Variants in GPRC5C observed in about 807,000 individuals in gnomAD.
GPRC5C encodes the protein G protein-coupled receptor family C group 5 member C.
A neutral mutation model predicts 31.4 loss-of-function variants in GPRC5C; 22 were observed. That is an observed-to-expected ratio of 0.70 (90% CI 0.50 to 1.00). GPRC5C has a LOEUF of 1.00. Ranked by LOEUF, GPRC5C falls within the 50% of genes least tolerant of loss-of-function variation. The pLI, the probability that GPRC5C is intolerant of heterozygous loss-of-function variation, is 0.00. For synonymous variants in GPRC5C, 249 were observed against 257.5 expected (o/e 0.97, Z 0.32); for missense variants, 557 against 597.2 (o/e 0.93, Z 0.70).
chr17:74,432,323 G>A, intron 1 of GPRC5C, 182 bp downstream of exon 1: 1 of 1,436,372 alleles, frequency 7.0e-7, no homozygotes, highest in Non-Finnish European at 9.1e-7. Flanking sequence ...GCGCGAGAGC[G>A]AGCAACCCAG....
Position 74,447,259 on chromosome 17 carries a change from C to G in GPRC5C, c.*231C>G. 7.8e-7 allele frequency: 1 copy of G among 1,288,670 alleles called. No homozygotes were observed. Among genetic ancestry groups the G allele is most frequent in the Non-Finnish European group, 9.8e-7 (1 of 1,015,814 alleles). The allele number at this position is 1,288,670 out of a possible 1,614,324, so 79.8% of individuals were successfully genotyped here. A position where few individuals can be genotyped will look rare whatever the true frequency, so the allele number is the denominator to read the frequency against. ...CAACCCCAGCCTCCTGCCAGGATCA[C>G]CTCGGCGGTCACACTCCAGCCAAAT... On this transcript the variant is annotated 3_prime_UTR_variant, in exon 4 of 4. Coordinates refer to ENST00000392627, the MANE Select transcript of GPRC5C (RefSeq NM_022036.4).
chr17:74,442,833 C>CG (rs1173040233), intron 2 of GPRC5C, among the ~76,000 whole-genome samples: 1 of 152,150 alleles, frequency 6.6e-6, no homozygotes, highest in African/African-American at 2.4e-5. Context: ...GTGTGCATGG[C>CG]GGGGGTGGAA....
intron 1 of GPRC5C, chr17:74,433,720 C>T: frequency 1.2e-5 from 20 of 1,613,684 alleles, no homozygotes; most frequent in Non-Finnish European, 1.7e-5. Flanking sequence ...GAAGAGTGCC[C>T]TGGTCACAGC....
chr17:74,439,674 G>C, intron 1 of GPRC5C, 71 bp from the exon 2 acceptor site: 1 of 1,425,228 alleles, frequency 7.0e-7, no homozygotes, highest in Non-Finnish European at 9.5e-7. Flanking sequence ...TTAGGTTGGG[G>C]GAAGCAGCAC....
rs372728157 is a variant in GPRC5C, at chr17:74,439,919, C to T, written c.143C>T (p.Ala48Val). 52 of 1,612,156 alleles carry T rather than the reference C, an allele frequency of 3.2e-5. No individual in the cohort carries two copies. Among genetic ancestry groups the T allele is most frequent in the Non-Finnish European group, 4.0e-5 (47 of 1,180,002 alleles). Reference protein sequence around the residue: ...LYYNLCDRSGAWGIVLEAVAG... With the variant: ...LYYNLCDRSGVWGIVLEAVAG... ...TACAACCTGTGTGACCGCTCTGGGGCGTGGGGCATCGTCCTGGAGGCCGTG... is the reference window on the plus strand; with the variant it reads ...TACAACCTGTGTGACCGCTCTGGGGTGTGGGGCATCGTCCTGGAGGCCGTG... Residue 48 changes from alanine to valine, a missense_variant, in exon 2 of 4, where the codon GCG (alanine) becomes GTG (valine). Coordinates refer to ENST00000392627, the MANE Select transcript of GPRC5C (RefSeq NM_022036.4).
chr17:74,443,843 C>T lies in GPRC5C; in HGVS notation c.1077C>T (p.Ser359=), dbSNP rs370461009. ...VAAKRPVSPY[S]GYNGQLLTSV... is the part of the protein sequence containing the mutation. ...CTAAGAGGCCGGTGTCACCATACAG[C>T]GGGTACAATGGGCAGCTGCTGACCA... The change falls in exon 3 of 4, where the codon AGC becomes AGT. Residue 359 remains serine (S), a synonymous_variant. Coordinates refer to ENST00000392627, the MANE Select transcript of GPRC5C (RefSeq NM_022036.4). 1.7e-5 allele frequency: 28 copies of T among 1,612,764 alleles called. No homozygotes were observed. The highest frequency in any genetic ancestry group is 8.9e-5 in the East Asian group (4 of 44,892).
intron 2 of GPRC5C, among the ~76,000 whole-genome samples, chr17:74,442,018 T>C (rs1461390326): frequency 1.3e-5 from 2 of 152,236 alleles, no homozygotes; most frequent in African/African-American, 4.8e-5. Context: ...TTTTTTATTT[T>C]TTGAGACGGA....
downstream of GPRC5C, chr17:74,448,828 C>A: frequency 7.8e-7 from 1 of 1,277,174 alleles, no homozygotes; most frequent in South Asian, 1.2e-5. Flanking sequence ...TACAGGTAAG[C>A]GAACTGACCC....
At chr17:74,444,021 A>T (rs752825767) in intron 3 of GPRC5C, 109 bp downstream of exon 3, 1 of 739,756 alleles carries the variant, frequency 1.4e-6, no homozygotes, top group Non-Finnish European at 2.3e-6. Flanking sequence ...TGGAGGTGGT[A>T]AGGGGAAGGC....
At chr17:74,433,387 T>C (rs1448049672) in intron 1 of GPRC5C, among the ~76,000 whole-genome samples, 3 of 147,504 alleles carry the variant, frequency 2.0e-5, no homozygotes, top group Admixed American at 6.7e-5. Flanking sequence ...CTGGTCTTGG[T>C]GCGGGGCAGG....
At chr17:74,449,377 T>C (rs558325965), downstream of GPRC5C, 15 of 1,292,914 alleles carry the variant, frequency 1.2e-5, no homozygotes, top group African/African-American at 1.8e-4. Flanking sequence ...GAAGCCCTCT[T>C]CCCGGGACTG....
chr17:74,445,015 T>A (rs965690922), intron 3 of GPRC5C, among the ~76,000 whole-genome samples: 2 of 152,224 alleles, frequency 1.3e-5, no homozygotes, highest in Admixed American at 6.5e-5. Flanking sequence ...TTTGAGAGGC[T>A]GAGGCAGGTG....
chr17:74,441,542 C>T (rs988301274), intron 2 of GPRC5C, among the ~76,000 whole-genome samples: 3 of 152,038 alleles, frequency 2.0e-5, no homozygotes, highest in Non-Finnish European at 4.4e-5. Flanking sequence ...TAATTAGTGC[C>T]GGCTGGGCGC....
At position 74,440,834 on chromosome 17, in the gene GPRC5C, C is replaced by A. The variant is rs746093669; in HGVS notation, c.1051+7C>A. The A allele has an allele frequency of 6.4e-5, 94 of 1,479,272 alleles. No homozygotes were observed. Among genetic ancestry groups the A allele is most frequent in the Non-Finnish European group, 7.8e-5 (87 of 1,109,746 alleles). 91.6% of individuals were successfully genotyped at this position (1,479,272 alleles called of 1,614,324 possible). On this transcript the variant is annotated splice_region_variant and intron_variant, in intron 2 of 3. Coordinates refer to ENST00000392627, the MANE Select transcript of GPRC5C (RefSeq NM_022036.4). The surrounding 1 kb of genome is among the most constrained non-coding windows in gnomAD (Gnocchi z 4.4). ...ATGGATGAGCCGGTTGCAGGTGGGT[C>A]TCTGTGGATGCCCCCAGTGGCCCCT...
chr17:74,444,557 G>C (rs2055596537), intron 3 of GPRC5C, among the ~76,000 whole-genome samples: 1 of 152,168 alleles, frequency 6.6e-6, no homozygotes, highest in Admixed American at 6.5e-5. Context: ...GTCTTGGCAG[G>C]ACACTGGGAA....
rs200892099 is a variant in GPRC5C at position 74,438,048 on chromosome 17, T to G, written c.-32-1697T>G. ...TTTCTTTTCTTTTCTTTTCTTTCTT[T>G]TTTTTGGAAACAGTCTCGCTCTGTT... On this transcript the variant is annotated intron_variant, in intron 1 of 3. Coordinates refer to ENST00000392627, the MANE Select transcript of GPRC5C (RefSeq NM_022036.4). Among the ~76,000 whole-genome samples the G allele has an allele frequency of 3.3e-5, 5 of 151,476 alleles. No homozygotes were observed. The East Asian group carries it at 9.6e-4, about 29-fold the overall frequency.
At position 74,440,262 on chromosome 17, in the gene GPRC5C, G is replaced by A. The variant is rs764382286; in HGVS notation, c.486G>A (p.Leu162=). 7 of 1,614,230 alleles carry A rather than the reference G, an allele frequency of 4.3e-6. No homozygotes were observed. In the South Asian group the frequency reaches 7.7e-5, roughly 18 times the overall value. The change falls in exon 2 of 4, where the codon CTG becomes CTA. Residue 162 remains leucine, a synonymous_variant. Transcript: ENST00000392627. This position sits in a 1 kb window ranked among gnomAD's most constrained non-coding sequence, Gnocchi z 4.4. ...GGGTGATCTTCACTGTGGCTCTGCT[G>A]CTGACCCTGGTAGAGGTCATCATCA... ...RGWVIFTVAL[L]LTLVEVIINT... is the part of the protein sequence containing the mutation.
chr17:74,438,689 G>A (rs889396450), intron 1 of GPRC5C, among the ~76,000 whole-genome samples: 37 of 152,132 alleles, frequency 2.4e-4, no homozygotes, highest in Admixed American at 1.6e-3. Flanking sequence ...ATGAACCACC[G>A]TGCCCAGCAG....
At chr17:74,443,634 AG>A (rs377199212) in intron 2 of GPRC5C, 183 bp from the exon 3 acceptor site, 51 of 699,220 alleles carry the variant, frequency 7.3e-5, no homozygotes, top group African/African-American at 5.8e-4. Flanking sequence ...TAGGCTTGGG[AG>A]GGGGCCCCCG....
Sources: gnomAD v4.1 joint callset for allele counts (sites outside exome capture counted in the v4.1 genomes callset) on GRCh38, gnomAD v4.1.1 for gene constraint, Gnocchi (gnomAD v3.1) non-coding constraint, MANE v1.5 for transcripts, NCBI Gene and HGNC (gene_info 2026-07-23, HGNC 2026-07-21) for gene names.